SULT2B1: variants seen among roughly 807,000 people sequenced by gnomAD.
SULT2B1 encodes the protein sulfotransferase 2B1.
SULT2B1 carries 16 observed loss-of-function variants against 33.2 expected under a neutral mutation model. The observed-to-expected ratio is 0.48, with a 90% confidence interval of 0.33 to 0.73. The LOEUF is 0.73. SULT2B1 is among the 30% of genes least tolerant of loss of function. The probability of loss-of-function intolerance (pLI) is 0.02; values close to 1 mark genes in which losing one functional copy is unlikely to be tolerated. For missense variants in SULT2B1, 500 were observed against 506.0 expected, an observed-to-expected ratio of 0.99 and a Z score of 0.11; for synonymous variants, 186 against 200.5, an observed-to-expected ratio of 0.93 and a Z score of 0.61.
chr19:48,576,359 C>CTTTTCTTTTT lies in SULT2B1; in HGVS notation c.214+280_214+281insCTTTTTTTTT. Among the ~76,000 whole-genome samples the CTTTTCTTTTT allele has an allele frequency of 4.4e-4, 43 of 96,698 alleles. 3 individuals are homozygous for CTTTTCTTTTT. Among genetic ancestry groups the CTTTTCTTTTT allele is most frequent in the East Asian group, 1.2e-3 (4 of 3,432 alleles). 63.4% of individuals were successfully genotyped at this position (96,698 alleles called of 152,430 possible). A position where few individuals can be genotyped will look rare whatever the true frequency, so the allele number is the denominator to read the frequency against. ...CCTTTCCCCTTTACCCTCTACTTCT[C>CTTTTCTTTTT]TTTTTTTTTTTTTTTTTTGTAGAGA... On this transcript the variant is annotated intron_variant, in intron 2 of 6. Transcript: ENST00000201586.
chr19:48,593,690 A>G (rs1973673381), intron 5 of SULT2B1, among the ~76,000 whole-genome samples: 1 of 151,222 alleles, frequency 6.6e-6, no homozygotes, highest in Non-Finnish European at 1.5e-5. Context: ...GATGGAGTGC[A>G]ATGGCATGAT....
Position 48,596,823 on chromosome 19 carries a change from T to A in SULT2B1, c.730T>A (p.Ser244Thr), listed in dbSNP as rs765224593. 7.5e-6 allele frequency: 12 copies of A among 1,609,870 alleles called. No homozygotes were observed. The African/African-American group carries it at 1.5e-4, about 20-fold the overall frequency. ...KEALGSVVAH[S>T]TFSAMKANTM... ...GGCACTGGGCTCCGTCGTGGCACACTCAACCTTCAGCGCCATGAAGGCCAA... is the reference window on the plus strand; with the variant it reads ...GGCACTGGGCTCCGTCGTGGCACACACAACCTTCAGCGCCATGAAGGCCAA... The change falls in exon 6 of 7, where the codon TCA becomes ACA. Residue 244 changes from serine to threonine, a missense_variant. Transcript: ENST00000201586.
rs879507532 is a variant in SULT2B1 at position 48,576,354 on chromosome 19, C to CTTTTTT, written c.214+273_214+274insTTTTTT. Among the ~76,000 whole-genome samples, 563 of 79,830 alleles carry CTTTTTT rather than the reference C, an allele frequency of 7.1e-3. 93 individuals carry two copies. Among genetic ancestry groups the CTTTTTT allele is most frequent in the African/African-American group, 0.016 (282 of 18,192 alleles). The allele number at this position is 79,830 out of a possible 152,430, so 52.4% of individuals were successfully genotyped here. On this transcript the variant is annotated intron_variant, in intron 2 of 6. Transcript: ENST00000201586. ...TCCTCCCTTTCCCCTTTACCCTCTA[C>CTTTTTT]TTCTCTTTTTTTTTTTTTTTTTTGT... is the stretch of plus-strand genomic sequence containing the variant.
At chr19:48,563,018 G>GA (rs918403288) in intron 1 of SULT2B1, among the ~76,000 whole-genome samples, 10 of 147,704 alleles carry the variant, frequency 6.8e-5, no homozygotes, top group South Asian at 2.1e-4. Context: ...GAATTGGCAA[G>GA]AAAAAAAAAA....
At chr19:48,555,590 T>TCTCTC (rs60898646) in intron 1 of SULT2B1, among the ~76,000 whole-genome samples, 55 of 96,532 alleles carry the variant, frequency 5.7e-4, no homozygotes, top group African/African-American at 2.5e-3. Flanking sequence ...CTCTCTCTCT[T>TCTCTC]TTGAGACAGA....
intron 1 of SULT2B1, among the ~76,000 whole-genome samples, chr19:48,556,929 A>G (rs1267413625): frequency 1.3e-5 from 2 of 150,980 alleles, no homozygotes; most frequent in Non-Finnish European, 3.0e-5. Flanking sequence ...CAGCCTGGGC[A>G]ACAGAACAAG....
intron 2 of SULT2B1, among the ~76,000 whole-genome samples, chr19:48,579,450 T>A (rs1185001538): frequency 6.6e-6 from 1 of 150,798 alleles, no homozygotes; most frequent in African/African-American, 2.5e-5. Flanking sequence ...ACCCAGCTAA[T>A]TTTTTGTATT....
chr19:48,591,612 A>T lies in SULT2B1; in HGVS notation c.427A>T (p.Ile143Phe). ...TCTCCTCACCATCCGCACACAGGTG[A>T]TCTACATGGGCCGCAACCCCCGGGA... is the stretch of plus-strand genomic sequence containing the variant. ...KAFFSSKAKV[I>F]YMGRNPRDVV... The change falls in exon 4 of 7, where the codon ATC becomes TTC. Residue 143 changes from isoleucine (I) to phenylalanine (F), a missense_variant. By Grantham distance (21) the Ile-to-Phe change is conservative. Transcript: ENST00000201586. 1 of 1,611,878 alleles carries T rather than the reference A, an allele frequency of 6.2e-7. No individual in the cohort carries two copies. The highest frequency in any genetic ancestry group is 8.5e-7 in the Non-Finnish European group (1 of 1,178,666).
rs148634243 is a variant in SULT2B1 at position 48,596,761 on chromosome 19, G to T, written c.668G>T (p.Arg223Leu). 3.1e-6 allele frequency: 5 copies of T among 1,606,656 alleles called. No homozygotes were observed. The African/African-American group carries it at 6.7e-5, about 21-fold the overall frequency. Residue 223 changes from arginine to leucine, a missense_variant, in exon 6 of 7, where the codon CGC becomes CTC. Arg to Leu is a moderately radical substitution (Grantham distance 102). Transcript: ENST00000201586. Reference sequence around the variant, plus strand: ...CAGGACTTACAGGGCTCCGTGGAGCGCATCTGTGGGTTCCTGGGCCGTCCG... The same window carrying T: ...CAGGACTTACAGGGCTCCGTGGAGCTCATCTGTGGGTTCCTGGGCCGTCCG... ...LQQDLQGSVE[R>L]ICGFLGRPLG...
At chr19:48,595,662 T>G (rs1285941645) in intron 5 of SULT2B1, 1 of 15,424 alleles carries the variant, frequency 6.5e-5, no homozygotes, top group Non-Finnish European at 1.6e-4. Context: ...TGGGTTTTTT[T>G]TTGTTGTTTT....
Position 48,576,354 on chromosome 19 carries a change from C to CTTTTTTTTTTTTTTTTTTTTT in SULT2B1, c.214+273_214+274insTTTTTTTTTTTTTTTTTTTTT, listed in dbSNP as rs879507532. 4.5e-4 allele frequency among the ~76,000 whole-genome samples: 36 copies of CTTTTTTTTTTTTTTTTTTTTT among 79,906 alleles called. 1 individual carries two copies. Among genetic ancestry groups the CTTTTTTTTTTTTTTTTTTTTT allele is most frequent in the Non-Finnish European group, 5.7e-4 (25 of 43,882 alleles). The allele number at this position is 79,906 out of a possible 152,430, so 52.4% of individuals were successfully genotyped here. On this transcript the variant is annotated intron_variant, in intron 2 of 6. Coordinates refer to ENST00000201586, the MANE Select transcript of SULT2B1 (RefSeq NM_177973.2). ...TCCTCCCTTTCCCCTTTACCCTCTA[C>CTTTTTTTTTTTTTTTTTTTTT]TTCTCTTTTTTTTTTTTTTTTTTGT... is the stretch of plus-strand genomic sequence containing the variant.
intron 1 of SULT2B1, among the ~76,000 whole-genome samples, chr19:48,570,732 T>TGC (rs61282995): frequency 3.9e-4 from 8 of 20,474 alleles, no homozygotes; most frequent in African/African-American, 2.9e-3. Flanking sequence ...TTGTTTTTGT[T>TGC]TTTTTTTTCT....
At chr19:48,595,099 A>G (rs62130307) in intron 5 of SULT2B1, among the ~76,000 whole-genome samples, 33,361 of 151,144 alleles carry the variant, frequency 0.22, 3,787 homozygotes, top group East Asian at 0.33. Flanking sequence ...CCTGACCAAC[A>G]TGGAGAAACC....
chr19:48,580,502 T>G (rs1973472466), intron 2 of SULT2B1, among the ~76,000 whole-genome samples: 1 of 151,996 alleles, frequency 6.6e-6, no homozygotes, highest in Non-Finnish European at 1.5e-5. Context: ...TCAGTCAATC[T>G]ACCCACCTCA....
intron 2 of SULT2B1, among the ~76,000 whole-genome samples, chr19:48,581,118 C>T (rs1008521012): frequency 1.6e-5 from 2 of 124,070 alleles, no homozygotes; most frequent in African/African-American, 5.9e-5. Context: ...CTCACTGTAA[C>T]CTCCACCTCC....
At chr19:48,571,966 T>C (rs1046347352) in intron 1 of SULT2B1, among the ~76,000 whole-genome samples, 1 of 152,160 alleles carries the variant, frequency 6.6e-6, no homozygotes, top group Non-Finnish European at 1.5e-5. Flanking sequence ...TAGGGGACTA[T>C]ATTAACCTCT....
intron 1 of SULT2B1, among the ~76,000 whole-genome samples, chr19:48,562,328 C>T (rs1973193081): frequency 6.6e-6 from 1 of 151,306 alleles, no homozygotes; most frequent in African/African-American, 2.4e-5. Flanking sequence ...GTGGAGGTTG[C>T]AGTGAGCTGA....
intron 1 of SULT2B1, among the ~76,000 whole-genome samples, chr19:48,558,422 C>T (rs1359638855): frequency 1.3e-5 from 2 of 152,184 alleles, no homozygotes; most frequent in East Asian, 1.9e-4. Context: ...GAAGCCACGC[C>T]GGCCTTTGGA....
At chr19:48,586,120 G>T (rs979794743) in intron 2 of SULT2B1, among the ~76,000 whole-genome samples, 70 of 152,260 alleles carry the variant, frequency 4.6e-4, no homozygotes, top group African/African-American at 1.7e-3. Flanking sequence ...TACTCGGGAG[G>T]CTGAGGCAGG....
Sources: allele counts gnomAD v4.1 joint callset (sites outside exome capture counted in the v4.1 genomes callset), GRCh38; gene constraint gnomAD v4.1.1; transcripts MANE v1.5; gene names NCBI Gene and HGNC (gene_info 2026-07-23, HGNC 2026-07-21).